The following CELF4 variants were observed in gnomAD, a reference collection of about 807,000 sequenced individuals.
CELF4 encodes the protein CUGBP Elav-like family member 4.
In CELF4, 18 loss-of-function variants were observed where a neutral mutation model predicts 59.9. That is an observed-to-expected ratio of 0.30 (90% CI 0.21 to 0.45). CELF4 has a LOEUF of 0.45. CELF4 is among the 20% of genes least tolerant of loss of function. The pLI is 1.00. For synonymous variants in CELF4, 261 were observed against 267.1 expected, an observed-to-expected ratio of 0.98 and a Z score of 0.22; for missense variants, 456 against 689.0, an observed-to-expected ratio of 0.66 and a Z score of 3.79.
chr18:37,431,025 G>A lies in CELF4; in HGVS notation c.369+54500C>T, dbSNP rs2099648610. Among the ~76,000 whole-genome samples, 6 of 152,228 alleles carry A rather than the reference G, an allele frequency of 3.9e-5. No individual in the cohort carries two copies. In the South Asian group the frequency reaches 1.2e-3, roughly 31 times the overall value. Reference sequence around the variant, plus strand: ...TAGGCCTGGCTGCTGGGTTAGGCTTGGGTCCTGGGGCAAGTATAGGGAGGA... The same window carrying A: ...TAGGCCTGGCTGCTGGGTTAGGCTTAGGTCCTGGGGCAAGTATAGGGAGGA... On this transcript the variant is annotated intron_variant, in intron 2 of 12. Transcript: ENST00000420428.
At chr18:37,463,193 A>G (rs1016087394) in intron 2 of CELF4, among the ~76,000 whole-genome samples, 1 of 152,208 alleles carries the variant, frequency 6.6e-6, no homozygotes, top group Non-Finnish European at 1.5e-5. Context: ...CAAGATGATG[A>G]CTGCAGAGCA....
At chr18:37,350,825 CA>C (rs1212736345) in intron 2 of CELF4, among the ~76,000 whole-genome samples, 1 of 152,192 alleles carries the variant, frequency 6.6e-6, no homozygotes, top group Non-Finnish European at 1.5e-5. Context: ...TTCCAGGGCT[CA>C]TGGTGCATCT....
At chr18:37,562,182 C>T (rs1302886670) in intron 1 of CELF4, among the ~76,000 whole-genome samples, 1 of 152,118 alleles carries the variant, frequency 6.6e-6, no homozygotes, top group Non-Finnish European at 1.5e-5. Flanking sequence ...ACAACACCCA[C>T]CCACTCCCTC....
chr18:37,343,949 A>G (rs1254146243), intron 2 of CELF4, among the ~76,000 whole-genome samples: 1 of 152,004 alleles, frequency 6.6e-6, no homozygotes, highest in Non-Finnish European at 1.5e-5. Context: ...TTTGCCAGGA[A>G]TGGTCTCTCT....
chr18:37,271,254 C>T (rs1321449790), intron 7 of CELF4, among the ~76,000 whole-genome samples: 21 of 105,556 alleles, frequency 2.0e-4, no homozygotes, highest in African/African-American at 6.7e-4. Flanking sequence ...TCCTTCAGTC[C>T]TTTTTTTTTT....
chr18:37,395,627 G>C (rs1172019494), intron 2 of CELF4, among the ~76,000 whole-genome samples: 1 of 152,248 alleles, frequency 6.6e-6, no homozygotes, highest in Non-Finnish European at 1.5e-5. Flanking sequence ...CCATCTCACA[G>C]AGAGAATCTG....
intron 2 of CELF4, among the ~76,000 whole-genome samples, chr18:37,431,307 A>T (rs2154600769): frequency 6.8e-6 from 1 of 146,184 alleles, no homozygotes; most frequent in South Asian, 2.2e-4. Context: ...TGGGCTTATC[A>T]TCTCCTCATT....
intron 3 of CELF4, among the ~76,000 whole-genome samples, chr18:37,302,594 G>A (rs1002199841): frequency 6.6e-6 from 1 of 152,214 alleles, no homozygotes; most frequent in East Asian, 1.9e-4. Context: ...AGCTTTCCTG[G>A]AGGTGGGGAG....
chr18:37,245,883 G>A lies in CELF4; in HGVS notation c.*45-686C>T, dbSNP rs2061897753. 6.6e-6 allele frequency among the ~76,000 whole-genome samples: 1 copy of A among 152,128 alleles called. No homozygotes were observed. The highest frequency in any genetic ancestry group is 1.5e-5 in the Non-Finnish European group (1 of 68,030). Reference sequence around the variant, plus strand: ...TAATACTTTTCTCATACATGCCAGGGAATTTAGAGGAATTCAGAACTTCAA... The same window carrying A: ...TAATACTTTTCTCATACATGCCAGGAAATTTAGAGGAATTCAGAACTTCAA... On this transcript the variant is annotated intron_variant, in intron 12 of 12. Transcript: ENST00000420428. The surrounding 1 kb of genome is among the most constrained non-coding windows in gnomAD (Gnocchi z 4.1).
chr18:37,381,803 G>C (rs1184194547), intron 2 of CELF4, among the ~76,000 whole-genome samples: 2 of 152,116 alleles, frequency 1.3e-5, no homozygotes, highest in Non-Finnish European at 2.9e-5. Context: ...CCCACTACCT[G>C]CATCTATGAG....
chr18:37,302,191 C>T (rs1330127666), intron 3 of CELF4, among the ~76,000 whole-genome samples: 1 of 152,186 alleles, frequency 6.6e-6, no homozygotes, highest in African/African-American at 2.4e-5. Context: ...CTTCCTGGCA[C>T]AGGTGGATGG....
chr18:37,285,607 G>C (rs1035615056), intron 3 of CELF4, among the ~76,000 whole-genome samples: 3 of 152,340 alleles, frequency 2.0e-5, no homozygotes, highest in Middle Eastern at 3.4e-3. Flanking sequence ...TAGGGACCCT[G>C]AATCAGGAGA....
At chr18:37,291,739 G>A (rs1011681526) in intron 3 of CELF4, among the ~76,000 whole-genome samples, 4 of 152,182 alleles carry the variant, frequency 2.6e-5, no homozygotes, top group African/African-American at 9.7e-5. Flanking sequence ...CCACATTGGG[G>A]ACATCCCTCT....
At chr18:37,309,642 A>G (rs1225271587) in intron 3 of CELF4, among the ~76,000 whole-genome samples, 1 of 152,050 alleles carries the variant, frequency 6.6e-6, no homozygotes, top group Non-Finnish European at 1.5e-5. Context: ...GGGCTAGAGG[A>G]TGAGAAGAGA....
intron 2 of CELF4, among the ~76,000 whole-genome samples, chr18:37,356,865 G>T (rs1273078967): frequency 6.6e-6 from 1 of 152,128 alleles, no homozygotes; most frequent in Non-Finnish European, 1.5e-5. Context: ...TCGGCACCTT[G>T]CTTAGCCTCA....
At chr18:37,293,768 G>A (rs138614223) in intron 3 of CELF4, among the ~76,000 whole-genome samples, 2 of 152,252 alleles carry the variant, frequency 1.3e-5, no homozygotes, top group Non-Finnish European at 2.9e-5. Context: ...TGGGCTAGAG[G>A]GGACTGTGAA....
chr18:37,272,532 T>C (rs1361899933), intron 7 of CELF4, among the ~76,000 whole-genome samples: 1 of 137,960 alleles, frequency 7.2e-6, no homozygotes, highest in Non-Finnish European at 1.5e-5. Context: ...ATAGTTGTCT[T>C]AGAAAAAGCC....
chr18:37,553,381 G>A (rs2099983837), intron 1 of CELF4, among the ~76,000 whole-genome samples: 1 of 152,072 alleles, frequency 6.6e-6, no homozygotes. Context: ...ATCACACGTA[G>A]CATATGAGTG....
chr18:37,306,290 G>A (rs1309230166), intron 3 of CELF4: 1 of 152,330 alleles, frequency 6.6e-6, no homozygotes, highest in Non-Finnish European at 1.5e-5. Context: ...CGGCAAAGCA[G>A]AGGCGCCCTG....
Sources: allele counts gnomAD v4.1 joint callset (sites outside exome capture counted in the v4.1 genomes callset), GRCh38; gene constraint gnomAD v4.1.1; non-coding constraint Gnocchi (gnomAD v3.1); transcripts MANE v1.5; gene names NCBI Gene and HGNC (gene_info 2026-07-23, HGNC 2026-07-21).